Variants in NPNT observed in about 807,000 individuals in gnomAD.
NPNT encodes preosteoblast EGF-like repeat protein with MAM domain.
In NPNT, 45 loss-of-function variants were observed where a neutral mutation model predicts 68.6. The ratio of observed to expected loss-of-function variants is 0.66; its 90% CI spans 0.52 to 0.84. The LOEUF (loss-of-function observed/expected upper bound fraction) is 0.84. NPNT is among the 40% of genes least tolerant of loss of function. The pLI, the probability that NPNT is intolerant of heterozygous loss-of-function variation, is 0.00. For synonymous variants in NPNT, 233 were observed against 253.3 expected (o/e 0.92, Z 0.76); for missense variants, 672 against 714.8 (o/e 0.94, Z 0.68).
intron 3 of NPNT, among the ~76,000 whole-genome samples, chr4:105,930,635 T>C (rs184191956): frequency 6.6e-6 from 1 of 152,314 alleles, no homozygotes; most frequent in African/African-American, 2.4e-5. Flanking sequence ...AAGAATTAAA[T>C]TTGAAATAAC....
At chr4:105,903,669 C>G (rs1726615895) in intron 2 of NPNT, among the ~76,000 whole-genome samples, 1 of 152,066 alleles carries the variant, frequency 6.6e-6, no homozygotes, top group South Asian at 2.1e-4. Context: ...ATAGATCTCT[C>G]CCCTATCACC....
rs1732386686 is a variant in NPNT at position 105,968,998 on chromosome 4, A to C, written c.*8A>C. On this transcript the variant is annotated 3_prime_UTR_variant, in exon 12 of 12. Transcript: ENST00000379987. ...TGCTCTGAAGAACGCTAACAACTCC[A>C]GAACTAACAATGAACTCCTATGTTG... is the stretch of plus-strand genomic sequence containing the variant. The C allele has an allele frequency of 1.9e-6, 3 of 1,540,798 alleles. No homozygotes were observed. The highest frequency in any genetic ancestry group is 2.7e-6 in the Non-Finnish European group (3 of 1,113,804).
At chr4:105,939,987 C>T in intron 5 of NPNT, 88 bp from the exon 6 acceptor site, 3 of 1,149,984 alleles carry the variant, frequency 2.6e-6, no homozygotes, top group Non-Finnish European at 3.8e-6. Context: ...TGCTAGGCAA[C>T]CATTTGTAGT....
chr4:105,927,244 T>C (rs1398364337), intron 2 of NPNT, 92 bp from the exon 3 acceptor site: 6 of 754,614 alleles, frequency 8.0e-6, no homozygotes, highest in Non-Finnish European at 1.1e-5. Context: ...CTAGTTTTTT[T>C]TCTTTTATTA....
At chr4:105,962,306 G>A (rs1731778629) in intron 10 of NPNT, among the ~76,000 whole-genome samples, 1 of 152,184 alleles carries the variant, frequency 6.6e-6, no homozygotes, top group Admixed American at 6.5e-5. Context: ...AACAGGCAAA[G>A]GAACCATAAC....
chr4:105,938,246 C>T, intron 4 of NPNT, 55 bp from the exon 5 acceptor site: 5 of 1,583,488 alleles, frequency 3.2e-6, no homozygotes, highest in Non-Finnish European at 3.4e-6. Context: ...ATAGCTATTT[C>T]CATTACAGAT....
chr4:105,906,704 A>C (rs1726927546), intron 2 of NPNT, among the ~76,000 whole-genome samples: 1 of 152,214 alleles, frequency 6.6e-6, no homozygotes. Flanking sequence ...ATCAGTAATC[A>C]ACTAATGGAG....
rs756406157 is a variant in NPNT at position 105,942,600 on chromosome 4, G to C, written c.1057G>C (p.Gly353Arg). 1.2e-6 allele frequency: 2 copies of C among 1,613,824 alleles called. No individual in the cohort carries two copies. The highest frequency in any genetic ancestry group is 1.1e-5 in the South Asian group (1 of 91,058). Residue 353 changes from glycine (G) to arginine (R), a missense_variant, in exon 8 of 12, where the codon GGA (glycine) becomes CGA (arginine). Physicochemically the swap from Gly to Arg is moderately radical, Grantham distance 125. Coordinates refer to ENST00000379987, the MANE Select transcript of NPNT (RefSeq NM_001033047.3). ...TACAACCCCAGAAAGGCCAACCACC[G>C]GACTGACAACTATAGCACCAGCTGC... is the stretch of plus-strand genomic sequence containing the variant. ...PPTTPERPTT[G>R]LTTIAPAAST...
intron 1 of NPNT, 161 bp downstream of exon 1, chr4:105,895,884 G>A: frequency 1.6e-6 from 1 of 634,262 alleles, no homozygotes; most frequent in Non-Finnish European, 2.7e-6. Flanking sequence ...CGGTCCAGCG[G>A]CTCCGAGTGC....
intron 2 of NPNT, among the ~76,000 whole-genome samples, chr4:105,900,834 GT>G (rs765343668): frequency 0.036 from 3,462 of 96,626 alleles, 40 homozygotes; most frequent in Middle Eastern, 0.09. Context: ...ACCCTTGGTT[GT>G]TTTTTTTTTT....
intron 7 of NPNT, among the ~76,000 whole-genome samples, chr4:105,941,521 A>T (rs1180886639): frequency 6.6e-6 from 1 of 152,204 alleles, no homozygotes; most frequent in Non-Finnish European, 1.5e-5. Context: ...TAATTTTTTA[A>T]ATTTCCTCCG....
chr4:105,912,459 A>G (rs1389375353), intron 2 of NPNT: 4 of 466,178 alleles, frequency 8.6e-6, no homozygotes, highest in Admixed American at 4.3e-5. Context: ...GTTTCAGTTG[A>G]TTATTCCTTT....
intron 2 of NPNT, among the ~76,000 whole-genome samples, chr4:105,924,049 C>CT (rs1728487917): frequency 6.6e-6 from 1 of 151,164 alleles, no homozygotes; most frequent in Non-Finnish European, 1.5e-5. Flanking sequence ...GCCCCCCCCC[C>CT]ACCACTTTGC....
At chr4:105,967,839 A>T (rs1732296202) in intron 11 of NPNT, among the ~76,000 whole-genome samples, 1 of 151,932 alleles carries the variant, frequency 6.6e-6, no homozygotes, top group Non-Finnish European at 1.5e-5. Context: ...TACTACCATA[A>T]ATTACCCAGG....
At chr4:105,909,008 A>G (rs1394138671) in intron 2 of NPNT, among the ~76,000 whole-genome samples, 1 of 152,206 alleles carries the variant, frequency 6.6e-6, no homozygotes, top group Non-Finnish European at 1.5e-5. Context: ...ATATTGTTCC[A>G]AAGTGTTTAG....
chr4:105,955,869 G>T (rs949182996), intron 8 of NPNT, among the ~76,000 whole-genome samples: 7 of 151,950 alleles, frequency 4.6e-5, no homozygotes, highest in African/African-American at 1.7e-4. Flanking sequence ...TCCCATACTG[G>T]TATGTGTGAG....
Position 105,899,642 on chromosome 4 carries a change from A to G in NPNT, c.172+1641A>G, listed in dbSNP as rs542168880. ...CAAACATTCGTTTGCTTCACCTTTT[A>G]TGTTTATACTTCCAAAATCAAAGTA... On this transcript the variant is annotated intron_variant, in intron 2 of 11. Transcript: ENST00000379987. Among the ~76,000 whole-genome samples the G allele has an allele frequency of 2.0e-5, 3 of 152,316 alleles. No individual in the cohort carries two copies. The South Asian group carries it at 6.2e-4, about 32-fold the overall frequency.
At chr4:105,915,664 C>G (rs1362847490) in intron 2 of NPNT, among the ~76,000 whole-genome samples, 2 of 152,114 alleles carry the variant, frequency 1.3e-5, no homozygotes, top group Non-Finnish European at 2.9e-5. Flanking sequence ...TCTAGGACAT[C>G]ATTTGGTGAG....
At chr4:105,936,890 AGTTACT>A in intron 3 of NPNT, 113 bp from the exon 4 acceptor site, 1 of 960,554 alleles carries the variant, frequency 1.0e-6, no homozygotes, top group Non-Finnish European at 1.5e-6. Context: ...TGTAAATGAC[AGTTACT>A]GTAGCTTGAC....
Sources: gnomAD v4.1 joint callset for allele counts (sites outside exome capture counted in the v4.1 genomes callset) on GRCh38, gnomAD v4.1.1 for gene constraint, MANE v1.5 for transcripts, NCBI Gene and HGNC (gene_info 2026-07-23, HGNC 2026-07-21) for gene names.